CDC5L: variants seen among roughly 807,000 people sequenced by gnomAD.
CDC5L encodes the protein cell division cycle 5 like.
In CDC5L, 18 loss-of-function variants were observed where a neutral mutation model predicts 104.1. That is an observed-to-expected ratio of 0.17 (90% CI 0.12 to 0.26). The LOEUF is 0.26. CDC5L is among the 10% of genes least tolerant of loss of function. The probability of loss-of-function intolerance (pLI) is 1.00; values close to 1 mark genes in which losing one functional copy is unlikely to be tolerated. For missense variants in CDC5L, 673 were observed against 956.9 expected, an observed-to-expected ratio of 0.70 and a Z score of 3.91; for synonymous variants, 331 against 322.7, an observed-to-expected ratio of 1.03 and a Z score of -0.28.
intron 14 of CDC5L, among the ~76,000 whole-genome samples, chr6:44,443,630 T>C (rs567888892): frequency 6.6e-6 from 1 of 151,350 alleles, no homozygotes; most frequent in South Asian, 2.1e-4. Flanking sequence ...GTCAAACCCC[T>C]ATATTGAATT....
chr6:44,415,174 A>G (rs1273577092), intron 8 of CDC5L, among the ~76,000 whole-genome samples: 5 of 152,164 alleles, frequency 3.3e-5, no homozygotes, highest in Admixed American at 6.5e-5. Context: ...CTTAATTCCT[A>G]TAGCCTTGTA....
At chr6:44,444,359 C>T (rs555051773) in intron 14 of CDC5L, among the ~76,000 whole-genome samples, 1 of 152,300 alleles carries the variant, frequency 6.6e-6, no homozygotes, top group East Asian at 1.9e-4. Flanking sequence ...ACTTCCAGAG[C>T]TTAGGTTGTG....
intron 14 of CDC5L, chr6:44,435,633 A>G (rs1365994221): frequency 6.5e-6 from 1 of 153,488 alleles, no homozygotes; most frequent in Non-Finnish European, 1.5e-5. Flanking sequence ...TTGGACTTTC[A>G]AATAGGGCAC....
intron 13 of CDC5L, among the ~76,000 whole-genome samples, chr6:44,428,130 A>C (rs1474801740): frequency 1.3e-5 from 2 of 152,214 alleles, no homozygotes; most frequent in South Asian, 4.1e-4. Context: ...TAAGATCTGA[A>C]CTTGTAAATT....
At chr6:44,391,627 C>T (rs1236975815) in intron 2 of CDC5L, among the ~76,000 whole-genome samples, 1 of 152,164 alleles carries the variant, frequency 6.6e-6, no homozygotes, top group Non-Finnish European at 1.5e-5. Context: ...TTAGCACCAT[C>T]CCCAAGTCAT....
In CDC5L at chr6:44,448,523, ATAG is replaced by A. The variant is rs1354639941; in HGVS notation, c.*1817_*1819del. ...AGTGATTCTAACTAGAGTCCAGGTA[ATAG>A]TAGTGGAGATATGTGGAGAGACATG... On this transcript the variant is annotated 3_prime_UTR_variant, in exon 16 of 16. Coordinates refer to ENST00000371477, the MANE Select transcript of CDC5L (RefSeq NM_001253.4). The A allele has an allele frequency of 6.6e-6, 1 of 152,174 alleles. No individual in the cohort carries two copies. The highest frequency in any genetic ancestry group is 6.5e-5 in the Admixed American group (1 of 15,282). The allele number at this position is 152,174 out of a possible 1,614,324, so 9.4% of individuals were successfully genotyped here.
intron 1 of CDC5L, among the ~76,000 whole-genome samples, chr6:44,388,194 T>A (rs533099490): frequency 1.1e-4 from 13 of 114,762 alleles, no homozygotes; most frequent in Non-Finnish European, 2.2e-4. Flanking sequence ...GAGTTCCAAC[T>A]CAGCCAGAGT....
chr6:44,421,155 T>A (rs1002470377), intron 9 of CDC5L, among the ~76,000 whole-genome samples: 2 of 152,236 alleles, frequency 1.3e-5, no homozygotes, highest in African/African-American at 4.8e-5. Flanking sequence ...ATATTTGCTT[T>A]ATCACATATC....
At chr6:44,402,073 G>T (rs1326429177) in intron 5 of CDC5L, among the ~76,000 whole-genome samples, 30 of 140,992 alleles carry the variant, frequency 2.1e-4, no homozygotes, top group Non-Finnish European at 4.1e-4. Context: ...ATTTGGGTTG[G>T]TTCCAAGTCT....
chr6:44,429,978 C>T, intron 14 of CDC5L, 68 bp downstream of exon 14: 1 of 1,258,526 alleles, frequency 7.9e-7, no homozygotes, highest in Non-Finnish European at 1.1e-6. Flanking sequence ...AATAATGCCA[C>T]TGGAGACAAT....
intron 10 of CDC5L, among the ~76,000 whole-genome samples, 158 bp downstream of exon 10, chr6:44,422,967 G>A (rs1268021903): frequency 6.6e-6 from 1 of 152,020 alleles, no homozygotes; most frequent in African/African-American, 2.4e-5. Context: ...TTGATGAAAG[G>A]GAATATTTTG....
rs1195300696 is a variant in CDC5L, at chr6:44,418,820, C to T, written c.1093-629C>T. Among the ~76,000 whole-genome samples the T allele has an allele frequency of 5.2e-4, 77 of 148,830 alleles. 1 individual carries two copies. The highest frequency in any genetic ancestry group is 2.5e-3 in the East Asian group (13 of 5,136). On this transcript the variant is annotated intron_variant, in intron 8 of 15. Coordinates refer to ENST00000371477, the MANE Select transcript of CDC5L (RefSeq NM_001253.4). ...TTGAGAAGTGTCTGTTCATATCCTT[C>T]GCCCACTTTTTGATGTGGTTGTTTG...
At chr6:44,420,114 C>A (rs1048803428) in intron 9 of CDC5L, among the ~76,000 whole-genome samples, 1 of 152,074 alleles carries the variant, frequency 6.6e-6, no homozygotes, top group African/African-American at 2.4e-5. Context: ...ATGAAAATTT[C>A]AGGCATTTAG....
At chr6:44,397,987 A>T (rs1027584286) in intron 5 of CDC5L, among the ~76,000 whole-genome samples, 1 of 152,176 alleles carries the variant, frequency 6.6e-6, no homozygotes, top group Non-Finnish European at 1.5e-5. Flanking sequence ...TATCCTGTAC[A>T]GTGCCCCTTG....
At position 44,392,827 on chromosome 6, in the gene CDC5L, C is replaced by T; in HGVS notation, c.310C>T (p.Leu104=). Residue 104 remains leucine (L), a splice_region_variant and synonymous_variant, in exon 3 of 16, where the codon CTG becomes TTG. Coordinates refer to ENST00000371477, the MANE Select transcript of CDC5L (RefSeq NM_001253.4). ...GTGCTTAGAACACTATGAATTTCTT[C>T]TGTAAGTGAGTCTTCAGAAAGAGCA... is the stretch of plus-strand genomic sequence containing the variant. ...AQCLEHYEFL[L]DKAAQRDNEE... is the part of the protein sequence containing the mutation. The T allele has an allele frequency of 1.2e-6, 2 of 1,612,732 alleles. No homozygotes were observed. Among genetic ancestry groups the T allele is most frequent in the Non-Finnish European group, 1.7e-6 (2 of 1,178,912 alleles).
chr6:44,396,646 C>T (rs900233069), intron 5 of CDC5L, among the ~76,000 whole-genome samples: 7 of 151,636 alleles, frequency 4.6e-5, no homozygotes, highest in Admixed American at 3.9e-4. Flanking sequence ...CCAGATCTTA[C>T]AGGTTGAGGA....
intron 5 of CDC5L, 137 bp from the exon 6 acceptor site, chr6:44,403,672 T>C: frequency 4.8e-6 from 3 of 627,140 alleles, no homozygotes; most frequent in Non-Finnish European, 8.0e-6. Flanking sequence ...GGATTTGTTT[T>C]GGTGAATGGT....
chr6:44,419,602 T>C lies in CDC5L; in HGVS notation c.1241+5T>C. ...AGTTCTCTCTACTCCATTCAGGTAT[T>C]GTAAATGAACACGTTTTTATTTTAG... On this transcript the variant is annotated splice_donor_5th_base_variant and intron_variant, in intron 9 of 15. Transcript: ENST00000371477. 6.2e-7 allele frequency: 1 copy of C among 1,609,004 alleles called. No individual in the cohort carries two copies. Among genetic ancestry groups the C allele is most frequent in the South Asian group, 1.1e-5 (1 of 90,584 alleles).
chr6:44,409,080 C>T (rs974449843), intron 8 of CDC5L, among the ~76,000 whole-genome samples: 11 of 152,130 alleles, frequency 7.2e-5, no homozygotes, highest in African/African-American at 2.2e-4. Context: ...AGAGAATATC[C>T]AAACCTACAA....
Sources: gnomAD v4.1 joint callset for allele counts (sites outside exome capture counted in the v4.1 genomes callset) on GRCh38, gnomAD v4.1.1 for gene constraint, MANE v1.5 for transcripts, NCBI Gene and HGNC (gene_info 2026-07-23, HGNC 2026-07-21) for gene names.